STPG1: variants seen among roughly 807,000 people sequenced by gnomAD.
STPG1 encodes the protein O(6)-methylguanine-induced apoptosis 2.
In STPG1, 33 loss-of-function variants were observed where a neutral mutation model predicts 40.1. That is an observed-to-expected ratio of 0.82 (90% CI 0.62 to 1.10). The LOEUF is 1.10. Ranked by LOEUF, STPG1 falls within the 50% of genes least tolerant of loss-of-function variation. STPG1 has a pLI of 0.00. For missense variants in STPG1, 396 were observed against 415.1 expected (o/e 0.95, Z 0.40); for synonymous variants, 150 against 155.0 (o/e 0.97, Z 0.24).
At chr1:24,363,311 T>A (rs1321242288) in intron 7 of STPG1, among the ~76,000 whole-genome samples, 1 of 152,234 alleles carries the variant, frequency 6.6e-6, no homozygotes, top group South Asian at 2.1e-4. Context: ...CCTAGCACTA[T>A]GGATCTTTCA....
At chr1:24,402,148 T>C (rs1643251436) in intron 1 of STPG1, among the ~76,000 whole-genome samples, 2 of 152,258 alleles carry the variant, frequency 1.3e-5, no homozygotes, top group Admixed American at 6.5e-5. Flanking sequence ...AAGCTCCCTG[T>C]GTCCCTTTGC....
chr1:24,412,493 CTTTA>C (rs71029548), intron 1 of STPG1, among the ~76,000 whole-genome samples: 18,327 of 152,084 alleles, frequency 0.12, 1,185 homozygotes, highest in African/African-American at 0.16. Flanking sequence ...ATGTTTATTA[CTTTA>C]TTTGTTTATG....
rs74632213 is a variant in STPG1, at chr1:24,365,306, T to C, written c.738-4265A>G. 8.3e-3 allele frequency among the ~76,000 whole-genome samples: 1,266 copies of C among 152,242 alleles called. 14 individuals are homozygous for C. The highest frequency in any genetic ancestry group is 0.027 in the African/African-American group (1,139 of 41,534). ...GGAAGCAGATCAAGGGTTAGAAAAA[T>C]GGCCCTGAGTGTTGCACCTCCTTGC... is the stretch of plus-strand genomic sequence containing the variant. On this transcript the variant is annotated intron_variant, in intron 7 of 8. Coordinates refer to ENST00000337248, the MANE Select transcript of STPG1 (RefSeq NM_001199013.2).
intron 1 of STPG1, among the ~76,000 whole-genome samples, chr1:24,409,723 T>G (rs969808113): frequency 1.1e-4 from 16 of 152,232 alleles, no homozygotes; most frequent in Non-Finnish European, 1.8e-4. Flanking sequence ...GTCCAGCACA[T>G]TCAAGCTGTA....
chr1:24,381,393 C>A (rs11249097), intron 4 of STPG1, among the ~76,000 whole-genome samples: 18 of 152,116 alleles, frequency 1.2e-4, no homozygotes, highest in East Asian at 3.9e-4. Context: ...CTACACACCC[C>A]TTGGTTTACT....
chr1:24,372,202 A>C (rs927066693), intron 6 of STPG1, among the ~76,000 whole-genome samples: 1 of 152,128 alleles, frequency 6.6e-6, no homozygotes, highest in Non-Finnish European at 1.5e-5. Context: ...AAAACAAAAC[A>C]AAAACAAAAA....
chr1:24,405,111 C>G lies in STPG1; in HGVS notation c.-68-3655G>C, dbSNP rs1643364840. Reference sequence around the variant, plus strand: ...TAGCTGGGATTACAGGCACTCCCACCACACCTGGCTAATTTTTTGTATTTT... The same window carrying G: ...TAGCTGGGATTACAGGCACTCCCACGACACCTGGCTAATTTTTTGTATTTT... On this transcript the variant is annotated intron_variant, in intron 1 of 8. Transcript: ENST00000337248. 2.0e-5 allele frequency among the ~76,000 whole-genome samples: 3 copies of G among 152,308 alleles called. No individual in the cohort carries two copies. The South Asian group carries it at 6.2e-4, about 32-fold the overall frequency.
chr1:24,364,252 C>T (rs1391250087), intron 7 of STPG1: 1 of 1,548,618 alleles, frequency 6.5e-7, no homozygotes, highest in Non-Finnish European at 8.7e-7. Context: ...ATGTTCCCAT[C>T]CTGTGACTCA....
intron 5 of STPG1, among the ~76,000 whole-genome samples, chr1:24,378,155 G>A (rs1389969020): frequency 6.6e-6 from 1 of 151,856 alleles, no homozygotes; most frequent in Non-Finnish European, 1.5e-5. Flanking sequence ...AAAATGTGCT[G>A]GAAGAATAAA....
At chr1:24,411,882 C>G (rs1643684022) in intron 1 of STPG1, 1 of 152,180 alleles carries the variant, frequency 6.6e-6, no homozygotes, top group Non-Finnish European at 1.5e-5. Context: ...TTAAAAACTC[C>G]TGGGGGAAGT....
intron 3 of STPG1, among the ~76,000 whole-genome samples, chr1:24,390,376 G>A (rs520149): frequency 6.6e-6 from 1 of 152,022 alleles, no homozygotes; most frequent in Admixed American, 6.6e-5. Context: ...TTTAGGGAAG[G>A]GGGGGTGGTG....
At chr1:24,402,030 C>T (rs1643247562) in intron 1 of STPG1, among the ~76,000 whole-genome samples, 1 of 152,142 alleles carries the variant, frequency 6.6e-6, no homozygotes, top group South Asian at 2.1e-4. Flanking sequence ...AATGTATACA[C>T]AAATAAAATT....
At chr1:24,380,910 G>A (rs1347010427) in intron 4 of STPG1, among the ~76,000 whole-genome samples, 1 of 152,206 alleles carries the variant, frequency 6.6e-6, no homozygotes, top group Non-Finnish European at 1.5e-5. Flanking sequence ...CATGCAGTGT[G>A]TAAGGATTTG....
At chr1:24,406,541 C>A (rs2148715881) in intron 1 of STPG1, among the ~76,000 whole-genome samples, 1 of 152,204 alleles carries the variant, frequency 6.6e-6, no homozygotes, top group Non-Finnish European at 1.5e-5. Flanking sequence ...ACTTTTCATG[C>A]AGTGCAGGTC....
chr1:24,375,622 A>G (rs1293946153), intron 5 of STPG1, among the ~76,000 whole-genome samples: 1 of 152,126 alleles, frequency 6.6e-6, no homozygotes. Context: ...CAAGTGAGGG[A>G]TGGTGGCAGC....
At chr1:24,365,607 C>G (rs1302581134) in intron 7 of STPG1, among the ~76,000 whole-genome samples, 1 of 152,246 alleles carries the variant, frequency 6.6e-6, no homozygotes, top group East Asian at 1.9e-4. Flanking sequence ...TAACAAACAG[C>G]CAGCCCCAAG....
chr1:24,362,066 C>G (rs558921370), intron 7 of STPG1, among the ~76,000 whole-genome samples: 2 of 152,314 alleles, frequency 1.3e-5, no homozygotes, highest in South Asian at 2.1e-4. Flanking sequence ...AGAGGAGGTT[C>G]TCCGCACTGA....
At position 24,387,181 on chromosome 1, in the gene STPG1, C is replaced by T. The variant is rs139714147; in HGVS notation, c.190-3178G>A. Among the ~76,000 whole-genome samples the T allele has an allele frequency of 7.7e-4, 117 of 152,288 alleles. 1 individual carries two copies. Among genetic ancestry groups the T allele is most frequent in the Non-Finnish European group, 1.2e-3 (85 of 68,030 alleles). On this transcript the variant is annotated intron_variant, in intron 3 of 8. Transcript: ENST00000337248. Reference sequence around the variant, plus strand: ...GCAATTTAGCGGACACTGATTGAAACCTACTGTGCATCAGGACCTGTGCCA... The same window carrying T: ...GCAATTTAGCGGACACTGATTGAAATCTACTGTGCATCAGGACCTGTGCCA...
At chr1:24,375,115 A>G (rs1641960574) in intron 5 of STPG1, among the ~76,000 whole-genome samples, 1 of 152,210 alleles carries the variant, frequency 6.6e-6, no homozygotes, top group Non-Finnish European at 1.5e-5. Context: ...TGAACTGACC[A>G]GAAATTAAGA....
Sources: allele counts gnomAD v4.1 joint callset (sites outside exome capture counted in the v4.1 genomes callset), GRCh38; gene constraint gnomAD v4.1.1; transcripts MANE v1.5; gene names NCBI Gene and HGNC (gene_info 2026-07-23, HGNC 2026-07-21).